SNAP25: variants seen among roughly 807,000 people sequenced by gnomAD.
The protein encoded by SNAP25 is synaptosome associated protein 25, also known as synaptosomal-associated protein 25.
In SNAP25, 3 loss-of-function variants were observed where a neutral mutation model predicts 28.7. That is an observed-to-expected ratio of 0.10 (90% CI 0.05 to 0.27). SNAP25 has a LOEUF of 0.27. Ranked by LOEUF, SNAP25 falls within the 10% of genes least tolerant of loss-of-function variation. The probability of loss-of-function intolerance (pLI) is 1.00; values close to 1 mark genes in which losing one functional copy is unlikely to be tolerated. For synonymous variants in SNAP25, 61 were observed against 88.1 expected (o/e 0.69, Z 1.72); for missense variants, 117 against 278.7 (o/e 0.42, Z 4.13).
At position 10,224,257 on chromosome 20, in the gene SNAP25, C is replaced by CTTTTTTTTTT. The variant is rs71332917; in HGVS notation, c.-64+5306_-64+5315dup. ...AATAAGGCATAGAGAATGTACATGT[C>CTTTTTTTTTT]TTTTTTTTTTTTTTTTTTTTTTTTT... is the stretch of plus-strand genomic sequence containing the variant. On this transcript the variant is annotated intron_variant, in intron 1 of 7. Coordinates refer to ENST00000254976, the MANE Select transcript of SNAP25 (RefSeq NM_130811.4). Among the ~76,000 whole-genome samples, 12 of 17,430 alleles carry CTTTTTTTTTT rather than the reference C, an allele frequency of 6.9e-4. 2 individuals are homozygous for CTTTTTTTTTT. Among genetic ancestry groups the CTTTTTTTTTT allele is most frequent in the African/African-American group, 1.4e-3 (5 of 3,696 alleles). 11.4% of individuals were successfully genotyped at this position (17,430 alleles called of 152,430 possible).
chr20:10,289,223 G>A (rs2063946044), intron 4 of SNAP25, among the ~76,000 whole-genome samples: 1 of 152,250 alleles, frequency 6.6e-6, no homozygotes, highest in South Asian at 2.1e-4. Context: ...ACCAGACCTG[G>A]AAACGTACTG....
At chr20:10,272,102 C>T (rs767348013) in intron 1 of SNAP25, among the ~76,000 whole-genome samples, 4 of 152,148 alleles carry the variant, frequency 2.6e-5, no homozygotes, top group Admixed American at 6.5e-5. Flanking sequence ...TGTGCCTAGC[C>T]GTTAGTAGAG....
chr20:10,219,828 A>G (rs2062594852), intron 1 of SNAP25: 1 of 152,280 alleles, frequency 6.6e-6, no homozygotes, highest in African/African-American at 2.4e-5. Context: ...GTAGCTTAAA[A>G]GAAAACAAGA....
In SNAP25 at chr20:10,306,636, T is replaced by C. The variant is rs1222898760; in HGVS notation, c.*439T>C. On this transcript the variant is annotated 3_prime_UTR_variant, in exon 8 of 8. Transcript: ENST00000254976. Reference sequence around the variant, plus strand: ...AAAATGTGCCGTCTTTGGTTCCTCATGGCTGTTATCTGTCTTTATGATTTC... The same window carrying C: ...AAAATGTGCCGTCTTTGGTTCCTCACGGCTGTTATCTGTCTTTATGATTTC... 6.4e-6 allele frequency: 1 copy of C among 155,674 alleles called. No individual in the cohort carries two copies. The allele number at this position is 155,674 out of a possible 1,614,324, so 9.6% of individuals were successfully genotyped here.
At chr20:10,254,650 G>A (rs920419617) in intron 1 of SNAP25, among the ~76,000 whole-genome samples, 1 of 152,174 alleles carries the variant, frequency 6.6e-6, no homozygotes, top group African/African-American at 2.4e-5. Flanking sequence ...CCTATCCTGA[G>A]CTACCTGCTT....
chr20:10,283,165 G>T (rs1375697592), intron 3 of SNAP25, among the ~76,000 whole-genome samples: 4 of 152,226 alleles, frequency 2.6e-5, no homozygotes, highest in African/African-American at 9.6e-5. Context: ...GGCTGCTATA[G>T]ATGCATTTTC....
At chr20:10,224,692 TCATCTTTCTGA>T (rs2062704496) in intron 1 of SNAP25, among the ~76,000 whole-genome samples, 2 of 152,036 alleles carry the variant, frequency 1.3e-5, no homozygotes, top group Non-Finnish European at 2.9e-5. Flanking sequence ...TTGCTTGCCT[TCATCTTTCTGA>T]AGCCTTCTCA....
chr20:10,259,011 G>A (rs1356000767), intron 1 of SNAP25, among the ~76,000 whole-genome samples: 1 of 152,196 alleles, frequency 6.6e-6, no homozygotes, highest in African/African-American at 2.4e-5. Flanking sequence ...TAACTGCTTA[G>A]TAGGTTGGCG....
chr20:10,282,801 A>T (rs978253263), intron 3 of SNAP25, among the ~76,000 whole-genome samples: 1 of 152,226 alleles, frequency 6.6e-6, no homozygotes, highest in Non-Finnish European at 1.5e-5. Flanking sequence ...TGCCTTTTAT[A>T]ATTTCATCTC....
At chr20:10,270,030 G>A (rs566731899) in intron 1 of SNAP25, among the ~76,000 whole-genome samples, 1 of 152,166 alleles carries the variant, frequency 6.6e-6, no homozygotes, top group South Asian at 2.1e-4. Context: ...GAGGCGGGCG[G>A]ATCACCTGAG....
intron 1 of SNAP25, among the ~76,000 whole-genome samples, chr20:10,268,075 A>C (rs2063534276): frequency 6.6e-6 from 1 of 152,216 alleles, no homozygotes; most frequent in Non-Finnish European, 1.5e-5. Context: ...TTTTATATGA[A>C]AAGCACTTAA....
intron 3 of SNAP25, among the ~76,000 whole-genome samples, chr20:10,284,247 C>T (rs2063832676): frequency 6.6e-6 from 1 of 152,154 alleles, no homozygotes; most frequent in South Asian, 2.1e-4. Context: ...TCAACCCCCA[C>T]CACCAAGATT....
chr20:10,269,302 G>A (rs894989263), intron 1 of SNAP25, among the ~76,000 whole-genome samples: 34 of 152,094 alleles, frequency 2.2e-4, no homozygotes, highest in African/African-American at 7.2e-4. Context: ...CAGTTACTCC[G>A]GAGGCTGAGG....
At chr20:10,280,808 C>A (rs1265453461) in intron 3 of SNAP25, among the ~76,000 whole-genome samples, 3 of 152,106 alleles carry the variant, frequency 2.0e-5, no homozygotes, top group Non-Finnish European at 2.9e-5. Context: ...TCTTTTTATG[C>A]CAACTTATCT....
At chr20:10,234,893 A>G (rs2062890332) in intron 1 of SNAP25, among the ~76,000 whole-genome samples, 2 of 152,192 alleles carry the variant, frequency 1.3e-5, no homozygotes, top group Admixed American at 6.5e-5. Flanking sequence ...ATAACATAAA[A>G]TAAAATAAAA....
chr20:10,251,625 A>G (rs924737571), intron 1 of SNAP25, among the ~76,000 whole-genome samples: 1 of 152,184 alleles, frequency 6.6e-6, no homozygotes, highest in African/African-American at 2.4e-5. Flanking sequence ...TACCTCCAAA[A>G]AGGAACACAT....
intron 1 of SNAP25, among the ~76,000 whole-genome samples, chr20:10,241,682 C>A (rs2122739925): frequency 6.6e-6 from 1 of 152,134 alleles, no homozygotes; most frequent in East Asian, 1.9e-4. Flanking sequence ...ATGGTGTGAT[C>A]AGGTGTTGCA....
At chr20:10,220,862 A>G (rs1048423672) in intron 1 of SNAP25, among the ~76,000 whole-genome samples, 2 of 152,216 alleles carry the variant, frequency 1.3e-5, no homozygotes, top group Admixed American at 1.3e-4. Flanking sequence ...TTCCCTGTCC[A>G]TATACAGAAG....
chr20:10,265,417 A>G (rs2063490306), intron 1 of SNAP25, among the ~76,000 whole-genome samples: 1 of 152,228 alleles, frequency 6.6e-6, no homozygotes, highest in Non-Finnish European at 1.5e-5. Flanking sequence ...ATAATTTATC[A>G]GCACCATCCA....
Sources: allele counts gnomAD v4.1 joint callset (sites outside exome capture counted in the v4.1 genomes callset), GRCh38; gene constraint gnomAD v4.1.1; transcripts MANE v1.5; gene names NCBI Gene and HGNC (gene_info 2026-07-23, HGNC 2026-07-21).